The following FERD3L variants were observed in gnomAD, a reference collection of about 807,000 sequenced individuals.
FERD3L encodes fer3-like protein.
A neutral mutation model predicts 7.5 loss-of-function variants in FERD3L; 7 were observed. The observed-to-expected ratio is 0.94, with a 90% CI of 0.53 to 1.76. The LOEUF is 1.76. Ranked by LOEUF, FERD3L falls within the 40% of genes most tolerant of loss-of-function variation. The probability of loss-of-function intolerance (pLI) is 0.00; values close to 1 mark genes in which losing one functional copy is unlikely to be tolerated. For synonymous variants in FERD3L, 122 were observed against 94.4 expected (o/e 1.29, Z -1.70); for missense variants, 264 against 220.9 (o/e 1.20, Z -1.24).
chr7:19,144,830 A>G lies in FERD3L; in HGVS notation c.*32T>C. 2 of 1,604,542 alleles carry G rather than the reference A, an allele frequency of 1.2e-6. No homozygotes were observed. The highest frequency in any genetic ancestry group is 1.1e-5 in the South Asian group (1 of 90,004). On this transcript the variant is annotated 3_prime_UTR_variant, in exon 1 of 1. Transcript: ENST00000275461. Reference sequence around the variant, plus strand: ...GGTCCTGACACACCCCAGCACTACCAGACGAGGAAGGGCAGACTCTCCACA... The same window carrying G: ...GGTCCTGACACACCCCAGCACTACCGGACGAGGAAGGGCAGACTCTCCACA...
rs377403169 is a variant in FERD3L, at chr7:19,144,858, A to G, written c.*4T>C. On this transcript the variant is annotated 3_prime_UTR_variant, in exon 1 of 1. Coordinates refer to ENST00000275461, the MANE Select transcript of FERD3L (RefSeq NM_152898.2). ...CGAGGAAGGGCAGACTCTCCACACC[A>G]GGCTCAGCCGCTTTCCTTCTTCTCA... is the stretch of plus-strand genomic sequence containing the variant. 2 of 1,613,270 alleles carry G rather than the reference A, an allele frequency of 1.2e-6. No individual in the cohort carries two copies. The highest frequency in any genetic ancestry group is 2.2e-5 in the East Asian group (1 of 44,852).
In FERD3L at chr7:19,144,789, G is replaced by T. The variant is rs556549043; in HGVS notation, c.*73C>A. On this transcript the variant is annotated 3_prime_UTR_variant, in exon 1 of 1. Transcript: ENST00000275461. ...TTGGGGCCTCCCTCCCGGCCCTTTA[G>T]CCTCACCCAGTGCCCGGTCCTGACA... is the stretch of plus-strand genomic sequence containing the variant. The T allele has an allele frequency of 7.2e-5, 112 of 1,558,204 alleles. 1 individual carries two copies. The African/African-American group carries it at 9.1e-4, about 13-fold the overall frequency.
chr7:19,145,111 T>A lies in FERD3L; in HGVS notation c.252A>T (p.Arg84Ser), dbSNP rs1446035925. Residue 84 changes from arginine to serine, a missense_variant, in exon 1 of 1, where the codon AGA becomes AGT. Transcript: ENST00000275461. ...TGGGGCGGCCTAATAGGGAGACACC[T>A]CTTCCGCGCTCCTCTTCCTCCTCCT... ...GEEEEEEERG[R>S]GVSLLGRPKR... The A allele has an allele frequency of 6.2e-7, 1 of 1,608,950 alleles. No individual in the cohort carries two copies. The highest frequency in any genetic ancestry group is 1.7e-5 in the Admixed American group (1 of 59,608).
At position 19,145,283 on chromosome 7, in the gene FERD3L, C is replaced by A. The variant is rs1168920316; in HGVS notation, c.80G>T (p.Arg27Leu). Reference sequence around the variant, plus strand: ...GGGTGCGAAGTCGCAGAGGAGAGGGCGTCTCGGGGAGGCCAGGGACAGGTC... The same window carrying A: ...GGGTGCGAAGTCGCAGAGGAGAGGGAGTCTCGGGGAGGCCAGGGACAGGTC... ...VADLSLASPRRPLLCDFAPGV... is the reference protein window; with the variant it reads ...VADLSLASPRLPLLCDFAPGV... The change falls in exon 1 of 1, where the codon CGC becomes CTC. Residue 27 changes from arginine to leucine, a missense_variant. Transcript: ENST00000275461. 6.2e-7 allele frequency: 1 copy of A among 1,613,302 alleles called. No homozygotes were observed. Among genetic ancestry groups the A allele is most frequent in the South Asian group, 1.1e-5 (1 of 91,076 alleles).
In FERD3L at chr7:19,144,918, A is replaced by G; in HGVS notation, c.445T>C (p.Tyr149His). The G allele has an allele frequency of 6.2e-7, 1 of 1,614,122 alleles. No homozygotes were observed. The highest frequency in any genetic ancestry group is 8.5e-7 in the Non-Finnish European group (1 of 1,180,014). The stretch of plus-strand genomic sequence containing the variant: ...AAGAGCTCGGTCATGAAGGAGATAT[A>G]GACGATGGCCAGGCGGAGGGTCTCG... ...RIETLRLAIV[Y>H]ISFMTELLES... is the part of the protein sequence containing the mutation. Residue 149 changes from tyrosine (Y) to histidine (H), a missense_variant, in exon 1 of 1, where the codon TAT (tyrosine) becomes CAT (histidine). Physicochemically the swap from Tyr to His is moderately conservative, Grantham distance 83. Coordinates refer to ENST00000275461, the MANE Select transcript of FERD3L (RefSeq NM_152898.2).
Position 19,145,012 on chromosome 7 carries a change from G to A in FERD3L, c.351C>T (p.Leu117=), listed in dbSNP as rs17140719. 4,790 of 1,614,202 alleles carry A rather than the reference G, an allele frequency of 3.0e-3. 118 individuals carry two copies. In the African/African-American group the frequency reaches 0.053, roughly 18 times the overall value. Residue 117 remains leucine (L), a synonymous_variant, in exon 1 of 1, where the codon CTC becomes CTT. Coordinates refer to ENST00000275461, the MANE Select transcript of FERD3L (RefSeq NM_152898.2). Reference sequence around the variant, plus strand: ...TCCGCAGCTGGTCAAAGGCCTCGTTGAGGTTGAACATCCGCTTCCTTTCGC... The same window carrying A: ...TCCGCAGCTGGTCAAAGGCCTCGTTAAGGTTGAACATCCGCTTCCTTTCGC... ...NIRERKRMFN[L]NEAFDQLRRK...
rs764992978 is a variant in FERD3L, at chr7:19,145,004, G to A, written c.359C>T (p.Ala120Val). Residue 120 changes from alanine to valine, a missense_variant, in exon 1 of 1, where the codon GCC becomes GTC. Ala to Val is a moderately conservative substitution (Grantham distance 64, BLOSUM62 0). Coordinates refer to ENST00000275461, the MANE Select transcript of FERD3L (RefSeq NM_152898.2). ...CACCTTCCTCCGCAGCTGGTCAAAGGCCTCGTTGAGGTTGAACATCCGCTT... is the reference window on the plus strand; with the variant it reads ...CACCTTCCTCCGCAGCTGGTCAAAGACCTCGTTGAGGTTGAACATCCGCTT... ...ERKRMFNLNE[A>V]FDQLRRKVPT... 5 of 1,614,182 alleles carry A rather than the reference G, an allele frequency of 3.1e-6. No homozygotes were observed. The South Asian group carries it at 4.4e-5, about 14-fold the overall frequency.
Position 19,145,003 on chromosome 7 carries a change from G to C in FERD3L, c.360C>G (p.Ala120=), listed in dbSNP as rs759505974. ...GCACCTTCCTCCGCAGCTGGTCAAA[G>C]GCCTCGTTGAGGTTGAACATCCGCT... ...ERKRMFNLNE[A]FDQLRRKVPT... The change falls in exon 1 of 1, where the codon GCC becomes GCG. Residue 120 remains alanine, a synonymous_variant. Transcript: ENST00000275461. The C allele has an allele frequency of 2.5e-6, 4 of 1,614,212 alleles. No homozygotes were observed. In the South Asian group the frequency reaches 4.4e-5, roughly 18 times the overall value.
rs763583427 is a variant in FERD3L at position 19,145,258 on chromosome 7, G to A, written c.105C>T (p.Pro35=). ...GGGCTGGGTCCCCCAAGGAGACCCC[G>A]GGTGCGAAGTCGCAGAGGAGAGGGC... ...PRRPLLCDFA[P]GVSLGDPALA... The change falls in exon 1 of 1, where the codon CCC becomes CCT. Residue 35 remains proline, a synonymous_variant. Transcript: ENST00000275461. The A allele has an allele frequency of 3.2e-4, 512 of 1,613,964 alleles. 2 individuals carry two copies. The Middle Eastern group carries it at 5.3e-3, about 17-fold the overall frequency.
In FERD3L at chr7:19,144,873, CCTT is replaced by C. The variant is rs1254917639; in HGVS notation, c.487_489del (p.Lys163del). 1.2e-5 allele frequency: 19 copies of C among 1,613,814 alleles called. No individual in the cohort carries two copies. Among genetic ancestry groups the C allele is most frequent in the Admixed American group, 1.7e-5 (1 of 60,010 alleles). On this transcript the variant is annotated inframe_deletion, in exon 1 of 1. Coordinates refer to ENST00000275461, the MANE Select transcript of FERD3L (RefSeq NM_152898.2). The stretch of plus-strand genomic sequence containing the variant: ...TCTCCACACCAGGCTCAGCCGCTTT[CCTT>C]CTTCTCACAGCTCTCCAAGAGCTCG...
chr7:19,145,365 C>G lies in FERD3L; in HGVS notation c.-3G>C. On this transcript the variant is annotated 5_prime_UTR_variant, in exon 1 of 1. Coordinates refer to ENST00000275461, the MANE Select transcript of FERD3L (RefSeq NM_152898.2). ...CAGCTCTCCGGATAGGCCGCCATCG[C>G]TTCGGCTTGGCCCTGCCTCTCATCG... 1 of 1,575,972 alleles carries G rather than the reference C, an allele frequency of 6.3e-7. No individual in the cohort carries two copies. Among genetic ancestry groups the G allele is most frequent in the Non-Finnish European group, 8.6e-7 (1 of 1,157,550 alleles).
In FERD3L at chr7:19,145,338, C is replaced by G. The variant is rs1788965560; in HGVS notation, c.25G>C (p.Val9Leu). 1 of 1,588,952 alleles carries G rather than the reference C, an allele frequency of 6.3e-7. No individual in the cohort carries two copies. Among genetic ancestry groups the G allele is most frequent in the Non-Finnish European group, 8.6e-7 (1 of 1,163,756 alleles). Reference sequence around the variant, plus strand: ...ACGAAGTCCAGCACCGTAGTGTCCACGCAGCTCTCCGGATAGGCCGCCATC... The same window carrying G: ...ACGAAGTCCAGCACCGTAGTGTCCAGGCAGCTCTCCGGATAGGCCGCCATC... The part of the protein sequence containing the change: MAAYPESC[V>L]DTTVLDFVAD... The change falls in exon 1 of 1, where the codon GTG becomes CTG. Residue 9 changes from valine to leucine, a missense_variant. By Grantham distance (32) the Val-to-Leu change is conservative. Coordinates refer to ENST00000275461, the MANE Select transcript of FERD3L (RefSeq NM_152898.2).
chr7:19,145,153 G>T lies in FERD3L; in HGVS notation c.210C>A (p.Asp70Glu). The T allele has an allele frequency of 6.2e-7, 1 of 1,613,160 alleles. No individual in the cohort carries two copies. The highest frequency in any genetic ancestry group is 8.5e-7 in the Non-Finnish European group (1 of 1,179,368). ...GDPEEEECEV[D>E]QGDGEEEEEE... ...CCTCCTCCTCTTCTCCGTCCCCCTGGTCCACTTCGCACTCCTCTTCTTCTG... is the reference window on the plus strand; with the variant it reads ...CCTCCTCCTCTTCTCCGTCCCCCTGTTCCACTTCGCACTCCTCTTCTTCTG... Residue 70 changes from aspartate (D) to glutamate (E), a missense_variant, in exon 1 of 1, where the codon GAC becomes GAA. Coordinates refer to ENST00000275461, the MANE Select transcript of FERD3L (RefSeq NM_152898.2).
chr7:19,145,340 C>T lies in FERD3L; in HGVS notation c.23G>A (p.Cys8Tyr). ...GAAGTCCAGCACCGTAGTGTCCACG[C>T]AGCTCTCCGGATAGGCCGCCATCGC... MAAYPESCVDTTVLDFVA... is the reference protein window; with the variant it reads MAAYPESYVDTTVLDFVA... The change falls in exon 1 of 1, where the codon TGC becomes TAC. Residue 8 changes from cysteine (C) to tyrosine (Y), a missense_variant. By Grantham distance (194) the Cys-to-Tyr change is radical. Transcript: ENST00000275461. 6.3e-7 allele frequency: 1 copy of T among 1,589,206 alleles called. No individual in the cohort carries two copies.
chr7:19,145,124 T>C lies in FERD3L; in HGVS notation c.239A>G (p.Glu80Gly). Residue 80 changes from glutamate to glycine, a missense_variant, in exon 1 of 1, where the codon GAG (glutamate) becomes GGG (glycine). Coordinates refer to ENST00000275461, the MANE Select transcript of FERD3L (RefSeq NM_152898.2). ...DQGDGEEEEE[E>G]ERGRGVSLLG... ...TAGGGAGACACCTCTTCCGCGCTCC[T>C]CTTCCTCCTCCTCTTCTCCGTCCCC... 1.3e-6 allele frequency: 2 copies of C among 1,558,936 alleles called. No homozygotes were observed. Among genetic ancestry groups the C allele is most frequent in the Non-Finnish European group, 1.7e-6 (2 of 1,146,746 alleles).
chr7:19,145,036 G>T lies in FERD3L; in HGVS notation c.327C>A (p.Arg109=), dbSNP rs759225236. Residue 109 remains arginine, a synonymous_variant, in exon 1 of 1, where the codon CGC becomes CGA. Transcript: ENST00000275461. ...TGAGGTTGAACATCCGCTTCCTTTCGCGGATGTTGGCGGCCTGGCGCTGGG... is the reference window on the plus strand; with the variant it reads ...TGAGGTTGAACATCCGCTTCCTTTCTCGGATGTTGGCGGCCTGGCGCTGGG... The part of the protein sequence containing the change: ...TYAQRQAANI[R]ERKRMFNLNE... The T allele has an allele frequency of 5.3e-5, 85 of 1,614,028 alleles. No individual in the cohort carries two copies. Among genetic ancestry groups the T allele is most frequent in the Non-Finnish European group, 7.1e-5 (84 of 1,180,040 alleles).
Position 19,145,149 on chromosome 7 carries a change from C to T in FERD3L, c.214G>A (p.Gly72Arg), listed in dbSNP as rs926082819. 6.2e-7 allele frequency: 1 copy of T among 1,613,126 alleles called. No individual in the cohort carries two copies. The highest frequency in any genetic ancestry group is 1.3e-5 in the African/African-American group (1 of 74,934). Residue 72 changes from glycine to arginine, a missense_variant, in exon 1 of 1, where the codon GGG becomes AGG. Physicochemically the swap from Gly to Arg is moderately radical, Grantham distance 125 (BLOSUM62 -2). Transcript: ENST00000275461. ...TCTTCCTCCTCCTCTTCTCCGTCCCCCTGGTCCACTTCGCACTCCTCTTCT... is the reference window on the plus strand; with the variant it reads ...TCTTCCTCCTCCTCTTCTCCGTCCCTCTGGTCCACTTCGCACTCCTCTTCT... ...PEEEECEVDQ[G>R]DGEEEEEEER...
At position 19,145,348 on chromosome 7, in the gene FERD3L, C is replaced by G. The variant is rs771944436; in HGVS notation, c.15G>C (p.Pro5=). 2.1e-5 allele frequency: 33 copies of G among 1,582,026 alleles called. No homozygotes were observed. Among genetic ancestry groups the G allele is most frequent in the Non-Finnish European group, 8.6e-7 (1 of 1,159,800 alleles). The change falls in exon 1 of 1, where the codon CCG becomes CCC. Residue 5 remains proline (P), a synonymous_variant. Transcript: ENST00000275461. MAAY[P]ESCVDTTVLD... The stretch of plus-strand genomic sequence containing the variant: ...GCACCGTAGTGTCCACGCAGCTCTC[C>G]GGATAGGCCGCCATCGCTTCGGCTT...
rs1164213501 is a variant in FERD3L, at chr7:19,144,873, C to T, written c.490G>A (p.Glu164Lys). Residue 164 changes from glutamate (E) to lysine (K), a missense_variant, in exon 1 of 1, where the codon GAA becomes AAA. Physicochemically the swap from Glu to Lys is moderately conservative, Grantham distance 56 (BLOSUM62 1). Transcript: ENST00000275461. The stretch of plus-strand genomic sequence containing the variant: ...TCTCCACACCAGGCTCAGCCGCTTT[C>T]CTTCTTCTCACAGCTCTCCAAGAGC... ...TELLESCEKK[E>K]SG 1 of 1,613,696 alleles carries T rather than the reference C, an allele frequency of 6.2e-7. No homozygotes were observed. The highest frequency in any genetic ancestry group is 8.5e-7 in the Non-Finnish European group (1 of 1,179,730).
Sources: gnomAD v4.1 joint callset for allele counts on GRCh38, gnomAD v4.1.1 for gene constraint, MANE v1.5 for transcripts, NCBI Gene and HGNC (gene_info 2026-07-23, HGNC 2026-07-21) for gene names.